Variants in PRR5L observed in about 807,000 individuals in gnomAD.
The protein encoded by PRR5L is proline rich 5 like.
In PRR5L, 21 loss-of-function variants were observed where a neutral mutation model predicts 36.4. That is an observed-to-expected ratio of 0.58 (90% CI 0.41 to 0.83). PRR5L has a LOEUF of 0.83. Among genes scored for constraint, PRR5L ranks in the 40% least tolerant of loss-of-function variants. The pLI, the probability that PRR5L is intolerant of heterozygous loss-of-function variation, is 0.00. For missense variants in PRR5L, 381 were observed against 473.3 expected (o/e 0.80, Z 1.81); for synonymous variants, 188 against 197.0 (o/e 0.95, Z 0.38).
intron 1 of PRR5L, chr11:36,376,104 A>C: frequency 8.1e-7 from 1 of 1,238,330 alleles, no homozygotes; most frequent in Non-Finnish European, 1.1e-6. Context: ...CCTCCTCGGC[A>C]ATTTTTTTTT....
chr11:36,393,063 A>T (rs1312447209), intron 1 of PRR5L, among the ~76,000 whole-genome samples: 1 of 152,124 alleles, frequency 6.6e-6, no homozygotes, highest in African/African-American at 2.4e-5. Context: ...TGAGCTTCTT[A>T]TATGTTCTGG....
At chr11:36,402,778 C>T (rs1398230880) in intron 2 of PRR5L, among the ~76,000 whole-genome samples, 2 of 152,170 alleles carry the variant, frequency 1.3e-5, no homozygotes, top group African/African-American at 2.4e-5. Flanking sequence ...ACTCTACTGC[C>T]GGTACACCTC....
chr11:36,301,177 G>C, intron 1 of PRR5L: 1 of 152,850 alleles, frequency 6.5e-6, no homozygotes. Context: ...GCACAGGCCG[G>C]GGTCAAGGGA....
chr11:36,425,840 C>T (rs1461895567), intron 4 of PRR5L: 7 of 150,890 alleles, frequency 4.6e-5, no homozygotes, highest in African/African-American at 1.7e-4. Context: ...CTGGAAGTGG[C>T]CTATAATTTG....
Position 36,437,191 on chromosome 11 carries a change from C to G in PRR5L, c.353-194C>G, listed in dbSNP as rs201426165. ...GAATATATTTCTGCCCTGAGAATCT[C>G]TGTTGGTCTTAGCCTGGAATTAAGA... On this transcript the variant is annotated intron_variant, in intron 5 of 8. Coordinates refer to ENST00000530639, the MANE Select transcript of PRR5L (RefSeq NM_001160167.2). 6.6e-5 allele frequency among the ~76,000 whole-genome samples: 10 copies of G among 152,312 alleles called. No individual in the cohort carries two copies. The East Asian group carries it at 1.7e-3, about 26-fold the overall frequency.
At position 36,403,337 on chromosome 11, in the gene PRR5L, C is replaced by CT; in HGVS notation, c.206dup (p.Leu69PhefsTer20). 1 of 1,614,158 alleles carries CT rather than the reference C, an allele frequency of 6.2e-7. No homozygotes were observed. Among genetic ancestry groups the CT allele is most frequent in the Non-Finnish European group, 8.5e-7 (1 of 1,180,024 alleles). Reference sequence around the variant, plus strand: ...TGATCAACGTTTTCAAAGGGGGTGGCTTGCAAAGCAACGAGCTCTATGCCC... The same window carrying CT: ...TGATCAACGTTTTCAAAGGGGGTGGCTTTGCAAAGCAACGAGCTCTATGCCC... On this transcript the variant is annotated frameshift_variant, in exon 3 of 9. Transcript: ENST00000530639. LOFTEE classifies it high-confidence loss of function.
At chr11:36,408,682 T>C (rs905591419) in intron 3 of PRR5L, among the ~76,000 whole-genome samples, 4 of 152,160 alleles carry the variant, frequency 2.6e-5, no homozygotes, top group Non-Finnish European at 5.9e-5. Context: ...GGTTTGGGTT[T>C]CATGAGCCCT....
intron 1 of PRR5L, among the ~76,000 whole-genome samples, chr11:36,298,616 T>A (rs1856339578): frequency 6.6e-6 from 1 of 152,188 alleles, no homozygotes; most frequent in Non-Finnish European, 1.5e-5. Context: ...CAGCTGTAAA[T>A]ATGGATGAAG....
At chr11:36,389,099 C>T (rs756469488) in intron 1 of PRR5L, among the ~76,000 whole-genome samples, 3 of 152,256 alleles carry the variant, frequency 2.0e-5, no homozygotes, top group Non-Finnish European at 4.4e-5. Flanking sequence ...ATTTCCAGCT[C>T]ATTGTTGTTA....
intron 1 of PRR5L, among the ~76,000 whole-genome samples, chr11:36,343,367 G>T (rs1856834499): frequency 6.6e-6 from 1 of 152,180 alleles, no homozygotes; most frequent in Non-Finnish European, 1.5e-5. Context: ...CTTGACCTTT[G>T]TAAGTTCCTC....
rs1010672257 is a variant in PRR5L at position 36,377,480 on chromosome 11, C to G, written c.-125-23517C>G. On this transcript the variant is annotated intron_variant, in intron 1 of 8. Coordinates refer to ENST00000530639, the MANE Select transcript of PRR5L (RefSeq NM_001160167.2). This position sits in a 1 kb window ranked among gnomAD's most constrained non-coding sequence, Gnocchi z 5.1. Reference sequence around the variant, plus strand: ...CACGCAGGGGGCGCTCTAGGGGCCCCGCCCGGGCAGCTGGGACCCTGCCTG... The same window carrying G: ...CACGCAGGGGGCGCTCTAGGGGCCCGGCCCGGGCAGCTGGGACCCTGCCTG... 2.6e-5 allele frequency: 4 copies of G among 152,280 alleles called. No individual in the cohort carries two copies. Among genetic ancestry groups the G allele is most frequent in the Non-Finnish European group, 5.9e-5 (4 of 68,070 alleles). 9.4% of individuals were successfully genotyped at this position (152,280 alleles called of 1,614,324 possible).
chr11:36,313,832 T>C (rs1565380602), intron 1 of PRR5L, among the ~76,000 whole-genome samples: 2 of 152,208 alleles, frequency 1.3e-5, no homozygotes, highest in Non-Finnish European at 2.9e-5. Flanking sequence ...GCACTGCAAT[T>C]ACTGCCATTG....
At chr11:36,326,937 A>G (rs1856668787) in intron 1 of PRR5L, among the ~76,000 whole-genome samples, 1 of 152,178 alleles carries the variant, frequency 6.6e-6, no homozygotes, top group South Asian at 2.1e-4. Flanking sequence ...GAGATGAAAC[A>G]GGAGGGTGGT....
chr11:36,446,450 T>C lies in PRR5L; in HGVS notation c.585+10T>C, dbSNP rs183333097. The C allele has an allele frequency of 6.6e-3, 10,600 of 1,613,634 alleles. 44 individuals carry two copies. The highest frequency in any genetic ancestry group is 8.1e-3 in the Non-Finnish European group (9,521 of 1,179,686). ...GTTGCTCATCCTGCAGGTGAGGCTG[T>C]GCTGGAGACTTGCCCCAAGGCAGAG... On this transcript the variant is annotated intron_variant, in intron 7 of 8. Transcript: ENST00000530639.
At chr11:36,316,220 A>C (rs1360359958) in intron 1 of PRR5L, among the ~76,000 whole-genome samples, 2 of 152,166 alleles carry the variant, frequency 1.3e-5, no homozygotes, top group African/African-American at 2.4e-5. Context: ...AAAGGATACA[A>C]ACGGGTCTGG....
chr11:36,325,510 G>T (rs530478140), intron 1 of PRR5L, among the ~76,000 whole-genome samples: 1 of 152,362 alleles, frequency 6.6e-6, no homozygotes, highest in East Asian at 1.9e-4. Context: ...GCCGTTGCTG[G>T]CTTGAATGCC....
intron 4 of PRR5L, among the ~76,000 whole-genome samples, chr11:36,426,932 G>T (rs536029204): frequency 2.6e-5 from 4 of 152,214 alleles, no homozygotes; most frequent in Admixed American, 2.6e-4. Flanking sequence ...TCTCATCTGG[G>T]TCCATCCCAC....
chr11:36,462,502 G>A lies in PRR5L; in HGVS notation c.873G>A (p.Thr291=), dbSNP rs61754938. 8.0e-4 allele frequency: 1,285 copies of A among 1,608,634 alleles called. 11 individuals are homozygous for A. In the African/African-American group the frequency reaches 0.015, roughly 19 times the overall value. ...LEKCGSVRRH[T]VANAHSDIQL... ...AGTGTGGCAGCGTGCGGCGGCACAC[G>A]GTGGCCAATGCCCACTCGGACATCC... Residue 291 remains threonine (T), a synonymous_variant, in exon 9 of 9, where the codon ACG becomes ACA. Transcript: ENST00000530639.
At chr11:36,362,962 C>T (rs1029724106) in intron 1 of PRR5L, among the ~76,000 whole-genome samples, 31 of 152,066 alleles carry the variant, frequency 2.0e-4, no homozygotes, top group Non-Finnish European at 2.4e-4. Context: ...GTGGGTATTT[C>T]TAAGGGGGAG....
Sources: allele counts gnomAD v4.1 joint callset (sites outside exome capture counted in the v4.1 genomes callset), GRCh38; gene constraint gnomAD v4.1.1; non-coding constraint Gnocchi (gnomAD v3.1); transcripts MANE v1.5; gene names NCBI Gene and HGNC (gene_info 2026-07-23, HGNC 2026-07-21).